Variants in ARNT2 observed in about 807,000 individuals in gnomAD.
ARNT2 encodes the protein aryl hydrocarbon receptor nuclear translocator 2.
A neutral mutation model predicts 91.7 loss-of-function variants in ARNT2; 36 were observed. That is an observed-to-expected ratio of 0.39 (90% CI 0.30 to 0.52). The LOEUF (loss-of-function observed/expected upper bound fraction) is 0.52, where lower values mean the gene tolerates loss of function less well. ARNT2 is among the 20% of genes least tolerant of loss of function. The probability of loss-of-function intolerance (pLI) is 0.72; values close to 1 mark genes in which losing one functional copy is unlikely to be tolerated. For synonymous variants in ARNT2, 365 were observed against 347.1 expected (o/e 1.05, Z -0.57); for missense variants, 775 against 939.3 (o/e 0.83, Z 2.29).
At chr15:80,441,241 A>C in intron 1 of ARNT2, 1 of 985,434 alleles carries the variant, frequency 1.0e-6, no homozygotes, top group Non-Finnish European at 1.2e-6. Context: ...ATCTGTGATG[A>C]CATTTTCTCA....
At chr15:80,558,320 C>T (rs1898239027) in intron 11 of ARNT2, among the ~76,000 whole-genome samples, 3 of 146,286 alleles carry the variant, frequency 2.1e-5, no homozygotes, top group African/African-American at 7.6e-5. Context: ...GGGCAGACTT[C>T]ATTACGTCTG....
chr15:80,490,981 G>A (rs1436910560), intron 5 of ARNT2, among the ~76,000 whole-genome samples: 3 of 152,224 alleles, frequency 2.0e-5, no homozygotes, highest in Non-Finnish European at 4.4e-5. Flanking sequence ...GGTGGGGAGA[G>A]TGGAGCAGGG....
chr15:80,514,182 C>G, intron 7 of ARNT2, 138 bp from the exon 8 acceptor site: 1 of 1,006,206 alleles, frequency 9.9e-7, no homozygotes, highest in Non-Finnish European at 1.5e-6. Context: ...GAGGAAGGAA[C>G]ACAGGATGGT....
chr15:80,476,235 TA>T (rs1285561745), intron 5 of ARNT2, among the ~76,000 whole-genome samples: 4 of 152,192 alleles, frequency 2.6e-5, no homozygotes, highest in African/African-American at 9.7e-5. Flanking sequence ...CGGAGAGTTT[TA>T]ACTCCAAATG....
intron 17 of ARNT2, among the ~76,000 whole-genome samples, chr15:80,586,468 C>G (rs972491947): frequency 6.6e-6 from 1 of 152,088 alleles, no homozygotes; most frequent in South Asian, 2.1e-4. Flanking sequence ...TTACAAAGCT[C>G]GAGAAACACA....
intron 11 of ARNT2, among the ~76,000 whole-genome samples, chr15:80,562,097 C>T: frequency 6.8e-6 from 1 of 146,184 alleles, no homozygotes; most frequent in Admixed American, 6.9e-5. Flanking sequence ...TTTTTTGAGA[C>T]TGAGTCTCAC....
At chr15:80,551,377 T>C (rs1024160552) in intron 9 of ARNT2, 102 bp downstream of exon 9, 1 of 1,083,094 alleles carries the variant, frequency 9.2e-7, no homozygotes, top group African/African-American at 1.6e-5. Context: ...ACCTGTGTTC[T>C]TGGTATTTGT....
chr15:80,539,824 CAAT>C (rs762857498), intron 8 of ARNT2, among the ~76,000 whole-genome samples: 3 of 147,628 alleles, frequency 2.0e-5, no homozygotes, highest in Admixed American at 6.9e-5. Flanking sequence ...ACCAAAATCA[CAAT>C]GAGGTATTAT....
At chr15:80,541,030 C>T (rs1036082628) in intron 8 of ARNT2, among the ~76,000 whole-genome samples, 6 of 152,144 alleles carry the variant, frequency 3.9e-5, no homozygotes, top group African/African-American at 7.2e-5. Context: ...CTGGGTCAAA[C>T]GGTAGTTCTA....
chr15:80,570,290 C>T (rs565524135), intron 12 of ARNT2, among the ~76,000 whole-genome samples: 6 of 151,934 alleles, frequency 3.9e-5, no homozygotes, highest in Non-Finnish European at 7.4e-5. Context: ...TAGTTCACAC[C>T]CTGGACACTT....
intron 8 of ARNT2, among the ~76,000 whole-genome samples, chr15:80,520,726 A>T (rs1784829595): frequency 6.6e-6 from 1 of 152,178 alleles, no homozygotes. Flanking sequence ...AGTTTTTCAT[A>T]TACTGACCAT....
intron 1 of ARNT2, among the ~76,000 whole-genome samples, chr15:80,420,105 T>A (rs1895841463): frequency 6.6e-6 from 1 of 152,156 alleles, no homozygotes; most frequent in Non-Finnish European, 1.5e-5. Flanking sequence ...GAACCCACAT[T>A]CTGGATCTGT....
chr15:80,431,847 C>G (rs1296339613), intron 1 of ARNT2, among the ~76,000 whole-genome samples: 1 of 152,222 alleles, frequency 6.6e-6, no homozygotes, highest in Non-Finnish European at 1.5e-5. Flanking sequence ...CCGAAGCCCT[C>G]TCTCAGGACC....
At chr15:80,506,030 G>A (rs1056193986) in intron 5 of ARNT2, among the ~76,000 whole-genome samples, 9 of 145,440 alleles carry the variant, frequency 6.2e-5, no homozygotes, top group Admixed American at 3.6e-4. Flanking sequence ...TCCGCTTCCC[G>A]GGTTCATGCC....
chr15:80,458,880 T>C (rs180804330), intron 3 of ARNT2, among the ~76,000 whole-genome samples: 14 of 152,298 alleles, frequency 9.2e-5, no homozygotes, highest in Admixed American at 7.2e-4. Flanking sequence ...TGGGTGACGG[T>C]TGCTTTTCTT....
chr15:80,418,032 C>T (rs1461623035), intron 1 of ARNT2, among the ~76,000 whole-genome samples: 4 of 152,196 alleles, frequency 2.6e-5, no homozygotes, highest in African/African-American at 7.2e-5. Flanking sequence ...TGGTACCTGG[C>T]ACACAGTAGG....
intron 8 of ARNT2, among the ~76,000 whole-genome samples, chr15:80,534,393 A>G (rs944117765): frequency 5.9e-5 from 9 of 152,200 alleles, no homozygotes; most frequent in African/African-American, 1.9e-4. Flanking sequence ...AGATATAGAA[A>G]ACTTTGCGAA....
chr15:80,543,939 C>T (rs1202915600), intron 8 of ARNT2, among the ~76,000 whole-genome samples: 3 of 152,042 alleles, frequency 2.0e-5, no homozygotes, highest in Non-Finnish European at 4.4e-5. Flanking sequence ...CGGGGTTTCA[C>T]CATGTTGGTC....
At chr15:80,499,719 G>A (rs1028516058) in intron 5 of ARNT2, among the ~76,000 whole-genome samples, 2 of 152,168 alleles carry the variant, frequency 1.3e-5, no homozygotes, top group South Asian at 4.1e-4. Context: ...TAGACAAGAG[G>A]GTGGGTGAGT....
Sources: gnomAD v4.1 joint callset for allele counts (sites outside exome capture counted in the v4.1 genomes callset) on GRCh38, gnomAD v4.1.1 for gene constraint, MANE v1.5 for transcripts, NCBI Gene and HGNC (gene_info 2026-07-23, HGNC 2026-07-21) for gene names.